The following CEPT1 variants were observed in gnomAD, a reference collection of about 807,000 sequenced individuals.
CEPT1 encodes choline/ethanolamine phosphotransferase 1.
Under a neutral mutation model 42.6 loss-of-function variants are expected in CEPT1, and 7 were observed. The ratio of observed to expected loss-of-function variants is 0.16; its 90% CI spans 0.09 to 0.31. The LOEUF (loss-of-function observed/expected upper bound fraction) is 0.31, where lower values mean the gene tolerates loss of function less well. Among genes scored for constraint, CEPT1 ranks in the 10% least tolerant of loss-of-function variants. The pLI is 1.00. For synonymous variants in CEPT1, 171 were observed against 171.9 expected (o/e 0.99, Z 0.04); for missense variants, 306 against 502.1 (o/e 0.61, Z 3.73).
chr1:111,157,171 A>G (rs1655616644), intron 2 of CEPT1, among the ~76,000 whole-genome samples: 1 of 152,192 alleles, frequency 6.6e-6, no homozygotes, highest in African/African-American at 2.4e-5. Flanking sequence ...ACAGGAAGAA[A>G]GGAAAATCCA....
intron 2 of CEPT1, among the ~76,000 whole-genome samples, chr1:111,152,588 G>A (rs532251344): frequency 3.3e-5 from 5 of 151,950 alleles, no homozygotes; most frequent in Non-Finnish European, 5.9e-5. Flanking sequence ...GTTTAGGATT[G>A]CATATATATG....
chr1:111,141,508 G>T (rs1311933339), intron 1 of CEPT1, among the ~76,000 whole-genome samples: 1 of 152,250 alleles, frequency 6.6e-6, no homozygotes, highest in East Asian at 1.9e-4. Context: ...TAAAGGTGCT[G>T]ATGTTCTTTT....
At chr1:111,172,869 A>G (rs1054889909) in intron 4 of CEPT1, among the ~76,000 whole-genome samples, 9 of 152,248 alleles carry the variant, frequency 5.9e-5, no homozygotes, top group Admixed American at 1.3e-4. Flanking sequence ...CCCTCTCTCC[A>G]TAACAGTAAG....
intron 2 of CEPT1, among the ~76,000 whole-genome samples, chr1:111,150,846 T>C (rs781294765): frequency 5.3e-5 from 8 of 152,318 alleles, no homozygotes; most frequent in Middle Eastern, 3.4e-3. Flanking sequence ...AGAGCCAAAA[T>C]TTCCCTTTGA....
intron 1 of CEPT1, among the ~76,000 whole-genome samples, chr1:111,145,800 C>G (rs569235952): frequency 6.6e-6 from 1 of 152,238 alleles, no homozygotes; most frequent in African/African-American, 2.4e-5. Context: ...GGGCCTTGGC[C>G]TGGCTTCACT....
intron 1 of CEPT1, among the ~76,000 whole-genome samples, chr1:111,144,762 C>T (rs325924): frequency 0.051 from 7,771 of 152,180 alleles, 242 homozygotes; most frequent in East Asian, 0.14. Context: ...AGTGGAATTC[C>T]GTAAGAGCTA....
intron 5 of CEPT1, among the ~76,000 whole-genome samples, chr1:111,177,201 G>A (rs1364239506): frequency 6.6e-6 from 1 of 152,176 alleles, no homozygotes; most frequent in Non-Finnish European, 1.5e-5. Context: ...TGTCCAGCCT[G>A]CACAATGCCA....
chr1:111,145,199 A>G (rs1267919542), intron 1 of CEPT1, among the ~76,000 whole-genome samples: 1 of 152,118 alleles, frequency 6.6e-6, no homozygotes, highest in African/African-American at 2.4e-5. Flanking sequence ...TATTTTTAGT[A>G]GAGACGGGGT....
intron 5 of CEPT1, among the ~76,000 whole-genome samples, chr1:111,177,840 C>G (rs948362127): frequency 6.6e-6 from 1 of 151,956 alleles, no homozygotes; most frequent in African/African-American, 2.4e-5. Context: ...AACGGGAAAA[C>G]AGATTCTCCC....
intron 5 of CEPT1, among the ~76,000 whole-genome samples, chr1:111,175,667 A>G (rs775265090): frequency 2.8e-4 from 43 of 152,340 alleles, no homozygotes; most frequent in Non-Finnish European, 5.7e-4. Flanking sequence ...CCTGTCTCAT[A>G]AAGTTATTTT....
At chr1:111,173,474 A>G (rs544609543) in intron 4 of CEPT1, among the ~76,000 whole-genome samples, 1 of 152,140 alleles carries the variant, frequency 6.6e-6, no homozygotes, top group African/African-American at 2.4e-5. Flanking sequence ...TTAAACTCAC[A>G]TTACAGATTA....
At chr1:111,156,280 C>T (rs896802944) in intron 2 of CEPT1, among the ~76,000 whole-genome samples, 13 of 152,156 alleles carry the variant, frequency 8.5e-5, no homozygotes, top group Admixed American at 3.3e-4. Context: ...ATGACCCCAA[C>T]GCAAATATTT....
At chr1:111,173,673 C>G (rs959778419) in intron 4 of CEPT1, among the ~76,000 whole-genome samples, 5 of 152,120 alleles carry the variant, frequency 3.3e-5, no homozygotes, top group Non-Finnish European at 7.4e-5. Flanking sequence ...TCCCCAGTTT[C>G]TATACTATAC....
intron 2 of CEPT1, among the ~76,000 whole-genome samples, chr1:111,155,708 T>C (rs1292318239): frequency 6.6e-6 from 1 of 152,072 alleles, no homozygotes; most frequent in Non-Finnish European, 1.5e-5. Context: ...CCGGCTAATT[T>C]TGTGTTTTTA....
At chr1:111,183,112 CTT>C (rs1190089001) in intron 7 of CEPT1, among the ~76,000 whole-genome samples, 155 bp downstream of exon 7, 1 of 152,160 alleles carries the variant, frequency 6.6e-6, no homozygotes, top group Non-Finnish European at 1.5e-5. Flanking sequence ...TATTTTTACT[CTT>C]TTGTGAAGCT....
At chr1:111,156,888 A>G (rs1655603339) in intron 2 of CEPT1, among the ~76,000 whole-genome samples, 1 of 152,190 alleles carries the variant, frequency 6.6e-6, no homozygotes, top group Non-Finnish European at 1.5e-5. Context: ...CTCATATAAC[A>G]TCTCTGCAAG....
chr1:111,145,156 C>T (rs1366999440), intron 1 of CEPT1, among the ~76,000 whole-genome samples: 2 of 152,130 alleles, frequency 1.3e-5, no homozygotes, highest in Non-Finnish European at 2.9e-5. Context: ...GCTGGGATTA[C>T]AGATGCCTGC....
chr1:111,139,606 C>G (rs750817782), upstream of CEPT1: 1 of 151,640 alleles, frequency 6.6e-6, no homozygotes, highest in Non-Finnish European at 1.5e-5. Flanking sequence ...TTAATTAGAC[C>G]GCTGATTTTC....
intron 4 of CEPT1, among the ~76,000 whole-genome samples, chr1:111,165,184 G>A (rs552515767): frequency 9.4e-4 from 142 of 150,320 alleles, no homozygotes; most frequent in Non-Finnish European, 1.5e-3. Flanking sequence ...GAGTAGCTGG[G>A]ACTACAGGCA....
Sources: gnomAD v4.1 joint callset for allele counts (sites outside exome capture counted in the v4.1 genomes callset) on GRCh38, gnomAD v4.1.1 for gene constraint, MANE v1.5 for transcripts, NCBI Gene and HGNC (gene_info 2026-07-23, HGNC 2026-07-21) for gene names.